The following MAP4K3 variants were observed in gnomAD, a reference collection of about 807,000 sequenced individuals.
MAP4K3 encodes the protein MAPK/ERK kinase kinase kinase 3.
Under a neutral mutation model 143.5 loss-of-function variants are expected in MAP4K3, and 94 were observed. That is an observed-to-expected ratio of 0.65 (90% CI 0.55 to 0.78). The LOEUF is 0.78. Ranked by LOEUF, MAP4K3 falls within the 30% of genes least tolerant of loss-of-function variation. The pLI is 0.00. For synonymous variants in MAP4K3, 416 were observed against 347.2 expected (o/e 1.20, Z -2.20); for missense variants, 1,077 against 1,068.1 (o/e 1.01, Z -0.12).
At chr2:39,329,001 A>C (rs1683597150) in intron 8 of MAP4K3, among the ~76,000 whole-genome samples, 1 of 152,228 alleles carries the variant, frequency 6.6e-6, no homozygotes, top group Admixed American at 6.5e-5. Context: ...CTAAAGTTTT[A>C]GATTTTAGGT....
chr2:39,362,758 G>A (rs1218521670), intron 2 of MAP4K3, among the ~76,000 whole-genome samples: 1 of 152,052 alleles, frequency 6.6e-6, no homozygotes, highest in African/African-American at 2.4e-5. Context: ...TGAGAAAAAA[G>A]AATAAAAGCT....
intron 16 of MAP4K3, among the ~76,000 whole-genome samples, chr2:39,299,174 T>A (rs1281261067): frequency 6.6e-6 from 1 of 152,178 alleles, no homozygotes; most frequent in Non-Finnish European, 1.5e-5. Context: ...AAATTGTTAA[T>A]GTTTGTAAGC....
intron 2 of MAP4K3, among the ~76,000 whole-genome samples, chr2:39,357,372 A>G (rs981354880): frequency 2.6e-5 from 4 of 152,244 alleles, no homozygotes; most frequent in Non-Finnish European, 4.4e-5. Flanking sequence ...GTAGCAAAGT[A>G]AAAAACAGAA....
In MAP4K3 at chr2:39,251,881, G is replaced by A. The variant is rs778169346; in HGVS notation, c.2546C>T (p.Thr849Ile). The change falls in exon 33 of 34, where the codon ACA (threonine) becomes ATA (isoleucine). Residue 849 changes from threonine (T) to isoleucine (I), a missense_variant. By Grantham distance (89) the Thr-to-Ile change is moderately conservative. Coordinates refer to ENST00000263881, the MANE Select transcript of MAP4K3 (RefSeq NM_003618.4). ...TCTTGTGCTATCTGAAATTTCTTGT[G>A]TTACCTGTTCAATTAAAACACAAAT... ...QGRSFRSNEV[T>I]QEISDSTRIF... is the part of the protein sequence containing the mutation. 2.5e-6 allele frequency: 4 copies of A among 1,612,370 alleles called. No individual in the cohort carries two copies. Among genetic ancestry groups the A allele is most frequent in the Non-Finnish European group, 3.4e-6 (4 of 1,179,044 alleles).
At chr2:39,433,001 A>T (rs1443009013) in intron 1 of MAP4K3, among the ~76,000 whole-genome samples, 4 of 152,226 alleles carry the variant, frequency 2.6e-5, no homozygotes, top group Non-Finnish European at 5.9e-5. Context: ...AGAGAAAAAG[A>T]ATCTAATAGT....
chr2:39,373,473 A>T (rs1177660385), intron 2 of MAP4K3, among the ~76,000 whole-genome samples: 1 of 152,140 alleles, frequency 6.6e-6, no homozygotes, highest in Non-Finnish European at 1.5e-5. Flanking sequence ...TATATCAAAG[A>T]GAGATCTGCA....
chr2:39,353,019 G>A (rs746308941), intron 3 of MAP4K3, among the ~76,000 whole-genome samples: 10 of 152,154 alleles, frequency 6.6e-5, no homozygotes, highest in Non-Finnish European at 1.2e-4. Flanking sequence ...AAGAATTCAA[G>A]AAATCACGTT....
At chr2:39,425,245 G>C (rs572471060) in intron 1 of MAP4K3, among the ~76,000 whole-genome samples, 1 of 152,120 alleles carries the variant, frequency 6.6e-6, no homozygotes, top group South Asian at 2.1e-4. Context: ...CAAACTGCAA[G>C]ATGAAATCCC....
chr2:39,350,269 A>T (rs1300878956), intron 3 of MAP4K3, among the ~76,000 whole-genome samples: 2 of 152,238 alleles, frequency 1.3e-5, no homozygotes, highest in Admixed American at 1.3e-4. Context: ...CATGAACAGA[A>T]AACTGATAAA....
At chr2:39,384,460 C>T (rs1270046278) in intron 1 of MAP4K3, among the ~76,000 whole-genome samples, 2 of 152,204 alleles carry the variant, frequency 1.3e-5, no homozygotes, top group Non-Finnish European at 2.9e-5. Flanking sequence ...ACAGGAGAAT[C>T]GCTTGAACCC....
intron 13 of MAP4K3, among the ~76,000 whole-genome samples, chr2:39,314,076 C>A (rs572373885): frequency 3.5e-4 from 54 of 152,114 alleles, no homozygotes; most frequent in Non-Finnish European, 3.5e-4. Context: ...TTTGCCCAGG[C>A]TGGAGTGCAG....
At chr2:39,318,932 G>A (rs1487347184) in intron 12 of MAP4K3, among the ~76,000 whole-genome samples, 2 of 152,176 alleles carry the variant, frequency 1.3e-5, no homozygotes, top group African/African-American at 4.8e-5. Flanking sequence ...AGTGGTTTTT[G>A]ACCGGGGCAA....
rs1345953255 is a variant in MAP4K3 at position 39,255,473 on chromosome 2, C to T, written c.2471-953G>A. 3.3e-5 allele frequency among the ~76,000 whole-genome samples: 5 copies of T among 152,130 alleles called. No homozygotes were observed. The East Asian group carries it at 7.7e-4, about 23-fold the overall frequency. On this transcript the variant is annotated intron_variant, in intron 31 of 33. Transcript: ENST00000263881. ...TTTGTTGAATGGCCCATTTCTTCCC[C>T]ACTAATACATAATGCCACGAATTTC... is the stretch of plus-strand genomic sequence containing the variant.
At chr2:39,401,234 C>T (rs1666945184) in intron 1 of MAP4K3, among the ~76,000 whole-genome samples, 1 of 152,070 alleles carries the variant, frequency 6.6e-6, no homozygotes, top group African/African-American at 2.4e-5. Context: ...GGTGTCCCAT[C>T]TTCATCTCAA....
At chr2:39,385,041 C>A (rs1046393347) in intron 1 of MAP4K3, among the ~76,000 whole-genome samples, 2 of 152,268 alleles carry the variant, frequency 1.3e-5, no homozygotes, top group African/African-American at 4.8e-5. Context: ...TTGCATATAT[C>A]ATTAGTTTAT....
At chr2:39,403,729 G>C (rs899315297) in intron 1 of MAP4K3, among the ~76,000 whole-genome samples, 1 of 151,760 alleles carries the variant, frequency 6.6e-6, no homozygotes, top group Non-Finnish European at 1.5e-5. Flanking sequence ...GACTTGGGGG[G>C]CATGCAAGCT....
At chr2:39,412,617 C>G (rs531855141) in intron 1 of MAP4K3, among the ~76,000 whole-genome samples, 1 of 152,114 alleles carries the variant, frequency 6.6e-6, no homozygotes, top group East Asian at 1.9e-4. Flanking sequence ...TCCTAAACGG[C>G]GATCATGAAA....
At chr2:39,355,117 C>T (rs1665572319) in intron 3 of MAP4K3, among the ~76,000 whole-genome samples, 2 of 152,124 alleles carry the variant, frequency 1.3e-5, no homozygotes, top group African/African-American at 4.8e-5. Flanking sequence ...GTAATCCCGG[C>T]ACTATGGGAG....
At chr2:39,433,836 T>C (rs1043126005) in intron 1 of MAP4K3, among the ~76,000 whole-genome samples, 2 of 152,076 alleles carry the variant, frequency 1.3e-5, no homozygotes. Context: ...AATGTATATA[T>C]GCATTGGCCT....
Sources: gnomAD v4.1 joint callset for allele counts (sites outside exome capture counted in the v4.1 genomes callset) on GRCh38, gnomAD v4.1.1 for gene constraint, MANE v1.5 for transcripts, NCBI Gene and HGNC (gene_info 2026-07-23, HGNC 2026-07-21) for gene names.